The following GSTCD variants were observed in gnomAD, a reference collection of about 807,000 sequenced individuals.
GSTCD encodes the protein glutathione S-transferase C-terminal domain containing.
A neutral mutation model predicts 68.3 loss-of-function variants in GSTCD; 44 were observed. That is an observed-to-expected ratio of 0.64 (90% confidence interval 0.51 to 0.83). The LOEUF is 0.83. GSTCD is among the 40% of genes least tolerant of loss of function. The pLI, the probability that GSTCD is intolerant of heterozygous loss-of-function variation, is 0.00. For synonymous variants in GSTCD, 273 were observed against 255.2 expected, an observed-to-expected ratio of 1.07 and a Z score of -0.67; for missense variants, 739 against 735.9, an observed-to-expected ratio of 1.00 and a Z score of -0.05.
At chr4:105,822,855 C>CCCT (rs1463657234) in intron 5 of GSTCD, 99 bp from the exon 6 acceptor site, 1 of 751,428 alleles carries the variant, frequency 1.3e-6, no homozygotes, top group Non-Finnish European at 2.3e-6. Flanking sequence ...ATGCTCCTCC[C>CCCT]CCTCCTCCTC....
At chr4:105,784,352 A>G (rs546830905) in intron 5 of GSTCD, among the ~76,000 whole-genome samples, 2 of 152,344 alleles carry the variant, frequency 1.3e-5, no homozygotes, top group Non-Finnish European at 1.5e-5. Flanking sequence ...AGCACATGAG[A>G]CAGAGAGAGA....
chr4:105,715,024 T>C (rs1288742960), intron 1 of GSTCD, among the ~76,000 whole-genome samples: 1 of 152,164 alleles, frequency 6.6e-6, no homozygotes, highest in African/African-American at 2.4e-5. Context: ...TAATTACTAT[T>C]TTTTAGACTG....
chr4:105,771,901 T>G (rs1411005860), intron 5 of GSTCD, among the ~76,000 whole-genome samples: 1 of 152,208 alleles, frequency 6.6e-6, no homozygotes, highest in Non-Finnish European at 1.5e-5. Context: ...TTTCTAATTC[T>G]GTGAAGAAAG....
chr4:105,729,413 G>T lies in GSTCD; in HGVS notation c.1154G>T (p.Gly385Val). 1 of 1,602,058 alleles carries T rather than the reference G, an allele frequency of 6.2e-7. No individual in the cohort carries two copies. Reference protein sequence around the residue: ...RPTMAKLMEKGIEVMFSPHPC... With the variant: ...RPTMAKLMEKVIEVMFSPHPC... ...GGCTATTTCCTTTTCTAGGAAAAGG[G>T]CATTGAAGTGATGTTTTCTCCCCAC... is the stretch of plus-strand genomic sequence containing the variant. Residue 385 changes from glycine to valine, a missense_variant, in exon 5 of 12, where the codon GGC (glycine) becomes GTC (valine). Physicochemically the swap from Gly to Val is moderately radical, Grantham distance 109 (BLOSUM62 -3). Coordinates refer to ENST00000515279, the MANE Select transcript of GSTCD (RefSeq NM_001370181.1).
chr4:105,822,918 T>G lies in GSTCD; in HGVS notation c.1241-36T>G, dbSNP rs1723378565. 2.0e-6 allele frequency: 3 copies of G among 1,472,488 alleles called. No homozygotes were observed. In the East Asian group the frequency reaches 6.8e-5, roughly 33 times the overall value. The allele number at this position is 1,472,488 out of a possible 1,614,324, so 91.2% of individuals were successfully genotyped here. A position where few individuals can be genotyped will look rare whatever the true frequency, so the allele number is the denominator to read the frequency against. On this transcript the variant is annotated intron_variant, in intron 5 of 11. Transcript: ENST00000515279. ...TGTCTTCTTGTTCCCTCAAAATATA[T>G]AATGTTTTGTGTTCTTCATTTCTTG...
At chr4:105,828,607 C>T (rs945763766) in intron 8 of GSTCD, among the ~76,000 whole-genome samples, 1 of 152,058 alleles carries the variant, frequency 6.6e-6, no homozygotes, top group Non-Finnish European at 1.5e-5. Context: ...TAACTTGAAT[C>T]ACAATATGAA....
At chr4:105,837,643 C>T (rs923172284) in intron 9 of GSTCD, among the ~76,000 whole-genome samples, 4 of 152,176 alleles carry the variant, frequency 2.6e-5, no homozygotes, top group Non-Finnish European at 4.4e-5. Flanking sequence ...ACAGTGTAAA[C>T]AATCTGTGGA....
intron 5 of GSTCD, among the ~76,000 whole-genome samples, chr4:105,760,780 A>G (rs1019013445): frequency 6.6e-6 from 1 of 152,184 alleles, no homozygotes; most frequent in Non-Finnish European, 1.5e-5. Flanking sequence ...AAGTAATGCC[A>G]GCTATTGATG....
intron 8 of GSTCD, among the ~76,000 whole-genome samples, chr4:105,831,578 T>G (rs964568421): frequency 1.3e-5 from 2 of 152,248 alleles, no homozygotes; most frequent in East Asian, 3.8e-4. Flanking sequence ...GTTTAAGAAC[T>G]CTTTGCTTGT....
At chr4:105,730,502 A>C (rs1733197601) in intron 5 of GSTCD, among the ~76,000 whole-genome samples, 1 of 152,214 alleles carries the variant, frequency 6.6e-6, no homozygotes, top group African/African-American at 2.4e-5. Context: ...AGTGATGATG[A>C]ACATTTTTTC....
chr4:105,721,483 G>A (rs974912233), intron 3 of GSTCD, among the ~76,000 whole-genome samples: 7 of 152,010 alleles, frequency 4.6e-5, no homozygotes, highest in African/African-American at 1.2e-4. Flanking sequence ...ATATTTAGTC[G>A]CAGGAATAAA....
chr4:105,811,202 A>C (rs11936611), intron 5 of GSTCD, among the ~76,000 whole-genome samples: 31,184 of 151,944 alleles, frequency 0.21, 6,564 homozygotes, highest in African/African-American at 0.54. Context: ...AAAGGTATTA[A>C]TTTTCTAAAG....
At chr4:105,745,533 G>A (rs1733771348) in intron 5 of GSTCD, among the ~76,000 whole-genome samples, 1 of 152,152 alleles carries the variant, frequency 6.6e-6, no homozygotes, top group African/African-American at 2.4e-5. Context: ...GTTTGAGCCT[G>A]AGGACTCCTT....
intron 5 of GSTCD, among the ~76,000 whole-genome samples, chr4:105,764,689 C>A (rs2149238244): frequency 6.6e-6 from 1 of 152,274 alleles, no homozygotes; most frequent in Middle Eastern, 3.4e-3. Flanking sequence ...CCTCATGTAA[C>A]CCTAATTACC....
At chr4:105,838,658 G>A (rs1295823277) in intron 10 of GSTCD, among the ~76,000 whole-genome samples, 1 of 152,208 alleles carries the variant, frequency 6.6e-6, no homozygotes, top group Admixed American at 6.5e-5. Context: ...ACAGAGAATT[G>A]TCTTCCAAAA....
At chr4:105,732,341 G>A (rs572806250) in intron 5 of GSTCD, among the ~76,000 whole-genome samples, 6 of 152,160 alleles carry the variant, frequency 3.9e-5, no homozygotes, top group Non-Finnish European at 8.8e-5. Flanking sequence ...TTGGTTGGTA[G>A]GCTATTAATT....
intron 5 of GSTCD, among the ~76,000 whole-genome samples, chr4:105,799,348 A>T (rs1364425823): frequency 2.6e-5 from 4 of 152,188 alleles, no homozygotes; most frequent in Non-Finnish European, 4.4e-5. Context: ...TTGCATTCAT[A>T]TCTTGGCTAG....
chr4:105,772,797 TG>T (rs201037670), intron 5 of GSTCD, among the ~76,000 whole-genome samples: 1 of 152,134 alleles, frequency 6.6e-6, no homozygotes, highest in Admixed American at 6.5e-5. Flanking sequence ...AAGTTCATCA[TG>T]GATATTAGCC....
intron 5 of GSTCD, among the ~76,000 whole-genome samples, chr4:105,788,845 AT>A (rs1735559997): frequency 6.6e-6 from 1 of 151,912 alleles, no homozygotes; most frequent in Non-Finnish European, 1.5e-5. Flanking sequence ...CTTTTTTTTA[AT>A]GCAAAGACTG....
Sources: gnomAD v4.1 joint callset for allele counts (sites outside exome capture counted in the v4.1 genomes callset) on GRCh38, gnomAD v4.1.1 for gene constraint, MANE v1.5 for transcripts, NCBI Gene and HGNC (gene_info 2026-07-23, HGNC 2026-07-21) for gene names.